The following ATP5MJ variants were observed in gnomAD, a reference collection of about 807,000 sequenced individuals.
ATP5MJ encodes the protein ATP synthase F(0) complex subunit j, mitochondrial.
Under a neutral mutation model 8.3 loss-of-function variants are expected in ATP5MJ, and 4 were observed. The observed-to-expected ratio is 0.48, with a 90% confidence interval of 0.24 to 1.11. ATP5MJ has a LOEUF of 1.11. Among genes scored for constraint, ATP5MJ ranks in the 50% least tolerant of loss-of-function variants. The pLI, the probability that ATP5MJ is intolerant of heterozygous loss-of-function variation, is 0.18. For synonymous variants in ATP5MJ, 23 were observed against 21.3 expected (o/e 1.08, Z -0.23); for missense variants, 66 against 71.8 (o/e 0.92, Z 0.29).
At chr14:103,918,653 C>T (rs1189835448) in intron 1 of ATP5MJ, among the ~76,000 whole-genome samples, 3 of 152,114 alleles carry the variant, frequency 2.0e-5, no homozygotes, top group African/African-American at 7.2e-5. Context: ...GGCCACCAGG[C>T]TCAACCCAGA....
In ATP5MJ at chr14:103,920,061, G is replaced by A. The variant is rs1366625479; in HGVS notation, c.-1+1409C>T. On this transcript the variant is annotated intron_variant, in intron 1 of 3. Transcript: ENST00000286953. ...AGGATGGTCTCGGTCTCTTAACCTC[G>A]TGATCCGCCCGCCTCAGCCTCCCAA... 4.0e-5 allele frequency among the ~76,000 whole-genome samples: 6 copies of A among 151,514 alleles called. No individual in the cohort carries two copies. In the East Asian group the frequency reaches 7.7e-4, roughly 20 times the overall value.
At chr14:103,916,592 TGTG>T (rs1470843298) in intron 1 of ATP5MJ, among the ~76,000 whole-genome samples, 1 of 151,928 alleles carries the variant, frequency 6.6e-6, no homozygotes, top group African/African-American at 2.4e-5. Flanking sequence ...ATTAACCAGG[TGTG>T]GTGGTGCTTG....
At chr14:103,916,533 G>A (rs1268272361) in intron 1 of ATP5MJ, among the ~76,000 whole-genome samples, 1 of 152,056 alleles carries the variant, frequency 6.6e-6, no homozygotes, top group Non-Finnish European at 1.5e-5. Context: ...AGGAGCTCGA[G>A]ACTAATTTGG....
Position 103,912,592 on chromosome 14 carries a change from C to T in ATP5MJ, c.*74G>A, listed in dbSNP as rs1306677612. 2.0e-5 allele frequency: 30 copies of T among 1,468,706 alleles called. No individual in the cohort carries two copies. The Admixed American group carries it at 5.2e-4, about 25-fold the overall frequency. 91.0% of individuals were successfully genotyped at this position (1,468,706 alleles called of 1,614,324 possible). A position where few individuals can be genotyped will look rare whatever the true frequency, so the allele number is the denominator to read the frequency against. On this transcript the variant is annotated 3_prime_UTR_variant, in exon 4 of 4. Transcript: ENST00000286953. ...AAGTGTACAGTGACGTTCCACGCTC[C>T]CCATCTAACACGGCTTGCTGAAATT...
chr14:103,921,363 C>T (rs1052430426), intron 1 of ATP5MJ, 107 bp downstream of exon 1: 42 of 276,718 alleles, frequency 1.5e-4, no homozygotes, highest in Admixed American at 8.8e-4. Context: ...AGGCGCGTGC[C>T]GGCGGAGGGG....
intron 2 of ATP5MJ, 174 bp downstream of exon 2, chr14:103,914,892 C>T: frequency 1.6e-6 from 1 of 615,464 alleles, no homozygotes; most frequent in Non-Finnish European, 2.5e-6. Context: ...CCCACTGTCC[C>T]CAAATGTCTT....
rs777722063 is a variant in ATP5MJ at position 103,912,637 on chromosome 14, TC to T, written c.*28del. 1 of 1,612,458 alleles carries T rather than the reference TC, an allele frequency of 6.2e-7. No individual in the cohort carries two copies. The highest frequency in any genetic ancestry group is 8.5e-7 in the Non-Finnish European group (1 of 1,178,960). On this transcript the variant is annotated 3_prime_UTR_variant, in exon 4 of 4. Coordinates refer to ENST00000286953, the MANE Select transcript of ATP5MJ (RefSeq NM_004894.3). ...GAAATTTACAGGCAGACTGACGTTT[TC>T]TTTCACATGTACTCCAAGTAAATCT...
At chr14:103,919,969 A>G (rs972336284) in intron 1 of ATP5MJ, among the ~76,000 whole-genome samples, 21 of 141,402 alleles carry the variant, frequency 1.5e-4, no homozygotes, top group African/African-American at 5.3e-4. Context: ...TGGGACTACA[A>G]GAGGCCGCCA....
Position 103,919,108 on chromosome 14 carries a change from C to G in ATP5MJ, c.-1+2362G>C, listed in dbSNP as rs556504641. On this transcript the variant is annotated intron_variant, in intron 1 of 3. Transcript: ENST00000286953. ...ATAAAAATCCAGAGAATGGACTGGG[C>G]ACGGTGGCTTACGCCTATAATCCCA... 6.8e-3 allele frequency among the ~76,000 whole-genome samples: 1,032 copies of G among 152,276 alleles called. 9 individuals are homozygous for G. The highest frequency in any genetic ancestry group is 0.023 in the African/African-American group (971 of 41,556).
At chr14:103,915,882 C>A (rs1291406725) in intron 1 of ATP5MJ, among the ~76,000 whole-genome samples, 1 of 152,250 alleles carries the variant, frequency 6.6e-6, no homozygotes, top group African/African-American at 2.4e-5. Context: ...TCCTTCCTTA[C>A]ATCACAGAGC....
At chr14:103,912,835 A>G in intron 3 of ATP5MJ, 141 bp from the exon 4 acceptor site, 1 of 802,934 alleles carries the variant, frequency 1.2e-6, no homozygotes, top group South Asian at 1.7e-5. Context: ...GAAAAGTAGG[A>G]TTATTTCTAT....
chr14:103,920,030 T>A (rs1312096566), intron 1 of ATP5MJ, among the ~76,000 whole-genome samples: 1 of 151,910 alleles, frequency 6.6e-6, no homozygotes, highest in Admixed American at 6.6e-5. Flanking sequence ...TTTCACCATG[T>A]TGGCCAGGAT....
chr14:103,913,834 T>A, intron 3 of ATP5MJ, 127 bp downstream of exon 3: 1 of 1,105,804 alleles, frequency 9.0e-7, no homozygotes, highest in East Asian at 2.6e-5. Context: ...TGTGAAGCAT[T>A]TCAACTGCAC....
chr14:103,918,091 T>G (rs2087640079), intron 1 of ATP5MJ: 1 of 152,270 alleles, frequency 6.6e-6, no homozygotes, highest in South Asian at 2.1e-4. Context: ...ACTCGAATGC[T>G]CTGACAGTGT....
intron 1 of ATP5MJ, chr14:103,921,193 G>A: frequency 1.6e-6 from 1 of 637,556 alleles, no homozygotes; most frequent in Non-Finnish European, 2.8e-6. Flanking sequence ...AACCTCTCAA[G>A]GCCAAGGTAC....
intron 1 of ATP5MJ, among the ~76,000 whole-genome samples, chr14:103,919,018 T>C (rs775133998): frequency 6.6e-6 from 1 of 150,832 alleles, no homozygotes; most frequent in Non-Finnish European, 1.5e-5. Context: ...CGAGACTCCA[T>C]CTCAAAAACA....
At position 103,912,432 on chromosome 14, in the gene ATP5MJ, G is replaced by C. The variant is rs879703017; in HGVS notation, c.*234C>G. 3.6e-5 allele frequency: 19 copies of C among 522,176 alleles called. No individual in the cohort carries two copies. The highest frequency in any genetic ancestry group is 9.9e-5 in the Admixed American group (3 of 30,162). 32.3% of individuals were successfully genotyped at this position (522,176 alleles called of 1,614,324 possible). A position where few individuals can be genotyped will look rare whatever the true frequency, so the allele number is the denominator to read the frequency against. Reference sequence around the variant, plus strand: ...CAGTGAGATTCTGATTGCATGCGCTGCATGACAAATTATCTACTCAGAGTA... The same window carrying C: ...CAGTGAGATTCTGATTGCATGCGCTCCATGACAAATTATCTACTCAGAGTA... On this transcript the variant is annotated 3_prime_UTR_variant, in exon 4 of 4. Coordinates refer to ENST00000286953, the MANE Select transcript of ATP5MJ (RefSeq NM_004894.3).
At chr14:103,917,706 A>G (rs1370462680) in intron 1 of ATP5MJ, among the ~76,000 whole-genome samples, 1 of 152,192 alleles carries the variant, frequency 6.6e-6, no homozygotes, top group African/African-American at 2.4e-5. Context: ...CCGGAGCTAC[A>G]GCAGGGACTG....
intron 1 of ATP5MJ, chr14:103,917,893 TAC>T (rs2087638298): frequency 1.3e-5 from 2 of 152,214 alleles, no homozygotes. Flanking sequence ...ACCAAATCTG[TAC>T]GTCATGCTCC....
Sources: gnomAD v4.1 joint callset for allele counts (sites outside exome capture counted in the v4.1 genomes callset) on GRCh38, gnomAD v4.1.1 for gene constraint, MANE v1.5 for transcripts, NCBI Gene and HGNC (gene_info 2026-07-23, HGNC 2026-07-21) for gene names.